CABIN1: variants seen among roughly 807,000 people sequenced by gnomAD.
CABIN1 encodes the protein calcineurin binding protein 1, also known as calcineurin-binding protein cabin-1.
In CABIN1, 133 loss-of-function variants were observed where a neutral mutation model predicts 227.7. The observed-to-expected ratio is 0.58, with a 90% CI of 0.51 to 0.67. The LOEUF (loss-of-function observed/expected upper bound fraction) is 0.67, where lower values mean the gene tolerates loss of function less well. Ranked by LOEUF, CABIN1 falls within the 30% of genes least tolerant of loss-of-function variation. CABIN1 has a pLI of 0.00. For synonymous variants in CABIN1, 1,086 were observed against 1,155.1 expected, an observed-to-expected ratio of 0.94 and a Z score of 1.21; for missense variants, 2,408 against 2,852.5, an observed-to-expected ratio of 0.84 and a Z score of 3.55.
At chr22:24,091,886 A>C in intron 24 of CABIN1, 43 bp downstream of exon 24, 1 of 1,606,170 alleles carries the variant, frequency 6.2e-7, no homozygotes, top group East Asian at 2.2e-5. Context: ...GGGCAGGGGC[A>C]GGCTGGTTTC....
At chr22:24,125,927 C>T (rs2043695438) in intron 28 of CABIN1, among the ~76,000 whole-genome samples, 1 of 152,202 alleles carries the variant, frequency 6.6e-6, no homozygotes, top group East Asian at 1.9e-4. Context: ...GACAGGTTGC[C>T]CCCATACTGG....
chr22:24,096,511 G>A (rs2041904458), intron 25 of CABIN1, among the ~76,000 whole-genome samples: 1 of 152,158 alleles, frequency 6.6e-6, no homozygotes, highest in African/African-American at 2.4e-5. Context: ...GGGAAGTGTG[G>A]GCTTCTCATG....
At chr22:24,111,493 G>A (rs78946667) in intron 26 of CABIN1, among the ~76,000 whole-genome samples, 3,467 of 152,252 alleles carry the variant, frequency 0.023, 53 homozygotes, top group Non-Finnish European at 0.036. Context: ...TGCGCTCCTC[G>A]TGAGAATCTA....
At chr22:24,042,824 G>C (rs1204121934) in intron 5 of CABIN1, 80 bp from the exon 6 acceptor site, 174 of 443,632 alleles carry the variant, frequency 3.9e-4, no homozygotes, top group East Asian at 2.5e-3. Context: ...CTGACTGTGT[G>C]TGTGTGTGTG....
At chr22:24,091,971 CA>C (rs2041575229) in intron 24 of CABIN1, 128 bp downstream of exon 24, 1 of 1,085,244 alleles carries the variant, frequency 9.2e-7, no homozygotes, top group African/African-American at 1.6e-5. Flanking sequence ...CTGTGTTGAG[CA>C]GCTTCATGTG....
intron 23 of CABIN1, among the ~76,000 whole-genome samples, chr22:24,089,312 C>T (rs1420253560): frequency 6.6e-6 from 1 of 152,204 alleles, no homozygotes; most frequent in Non-Finnish European, 1.5e-5. Flanking sequence ...GGAGACTGAG[C>T]TCAAGTTTCC....
chr22:24,045,216 G>A (rs747372473), intron 6 of CABIN1, among the ~76,000 whole-genome samples: 4 of 152,138 alleles, frequency 2.6e-5, no homozygotes, highest in South Asian at 2.1e-4. Flanking sequence ...GAGCCACTGC[G>A]CCCAGCCCAG....
At chr22:24,129,799 C>T (rs1417125726) in intron 28 of CABIN1, among the ~76,000 whole-genome samples, 1 of 152,168 alleles carries the variant, frequency 6.6e-6, no homozygotes, top group Admixed American at 6.5e-5. Flanking sequence ...GTAGAGAGAC[C>T]TCCAGGGACC....
At chr22:24,110,105 A>G (rs904991778) in intron 26 of CABIN1, among the ~76,000 whole-genome samples, 1 of 152,214 alleles carries the variant, frequency 6.6e-6, no homozygotes, top group Admixed American at 6.5e-5. Flanking sequence ...TGGGAGGTAG[A>G]GGTTGCAGTG....
At chr22:24,114,653 C>T (rs112272) in intron 27 of CABIN1, among the ~76,000 whole-genome samples, 43,435 of 152,094 alleles carry the variant, frequency 0.29, 7,790 homozygotes, top group African/African-American at 0.51. Context: ...GGGAAAAACG[C>T]TGGTGATAAA....
intron 29 of CABIN1, among the ~76,000 whole-genome samples, chr22:24,161,048 A>G (rs190347789): frequency 6.6e-6 from 1 of 152,332 alleles, no homozygotes; most frequent in Non-Finnish European, 1.5e-5. Context: ...GAAGACCACC[A>G]AAGTCTTAAG....
chr22:24,073,211 AGCAAAGATT>A (rs1252871916), intron 18 of CABIN1, among the ~76,000 whole-genome samples: 3 of 152,138 alleles, frequency 2.0e-5, no homozygotes, highest in Non-Finnish European at 4.4e-5. Flanking sequence ...TGACACTTAA[AGCAAAGATT>A]GCCTGTAATC....
chr22:24,150,047 G>A (rs2045391150), intron 29 of CABIN1, among the ~76,000 whole-genome samples: 1 of 152,236 alleles, frequency 6.6e-6, no homozygotes, highest in Non-Finnish European at 1.5e-5. Context: ...GGAGGCCTTT[G>A]ACATGGAAGG....
chr22:24,145,699 G>A (rs2045070589), intron 29 of CABIN1, among the ~76,000 whole-genome samples: 2 of 152,208 alleles, frequency 1.3e-5, no homozygotes, highest in African/African-American at 4.8e-5. Context: ...TGGACAGGGC[G>A]CTAGGATGCC....
At chr22:24,105,396 T>C (rs2042455243) in intron 26 of CABIN1, among the ~76,000 whole-genome samples, 1 of 152,234 alleles carries the variant, frequency 6.6e-6, no homozygotes, top group South Asian at 2.1e-4. Flanking sequence ...CAATAAAATA[T>C]TTATAATCTT....
chr22:24,020,722 G>C (rs1022397495), intron 1 of CABIN1, among the ~76,000 whole-genome samples: 3 of 152,148 alleles, frequency 2.0e-5, no homozygotes, highest in Non-Finnish European at 2.9e-5. Flanking sequence ...CCTTTCTTCT[G>C]TTGGTGGTGA....
intron 32 of CABIN1, among the ~76,000 whole-genome samples, chr22:24,167,855 CA>C (rs1172137240): frequency 6.6e-6 from 1 of 152,188 alleles, no homozygotes; most frequent in Non-Finnish European, 1.5e-5. Flanking sequence ...TGCCCCATAT[CA>C]TATGGACCTT....
intron 31 of CABIN1, 28 bp downstream of exon 31, chr22:24,165,654 C>T: frequency 6.3e-7 from 1 of 1,584,048 alleles, no homozygotes; most frequent in Non-Finnish European, 8.6e-7. Context: ...TCCTCTCCTC[C>T]ACGGCCCATG....
intron 26 of CABIN1, among the ~76,000 whole-genome samples, chr22:24,100,265 C>T (rs2042126138): frequency 6.6e-6 from 1 of 152,248 alleles, no homozygotes; most frequent in Non-Finnish European, 1.5e-5. Context: ...CCAGGCCTGG[C>T]TGCATAATGC....
Sources: allele counts gnomAD v4.1 joint callset (sites outside exome capture counted in the v4.1 genomes callset), GRCh38; gene constraint gnomAD v4.1.1; transcripts MANE v1.5; gene names NCBI Gene and HGNC (gene_info 2026-07-23, HGNC 2026-07-21).